The following DOK5 variants were observed in gnomAD, a reference collection of about 807,000 sequenced individuals.
DOK5 encodes downstream of tyrosine kinase 5.
DOK5 carries 27 observed loss-of-function variants against 43.3 expected under a neutral mutation model. That is an observed-to-expected ratio of 0.62 (90% CI 0.46 to 0.86). The LOEUF is 0.86. DOK5 is among the 40% of genes least tolerant of loss of function. The pLI is 0.00. For synonymous variants in DOK5, 146 were observed against 140.1 expected (o/e 1.04, Z -0.30); for missense variants, 373 against 392.9 (o/e 0.95, Z 0.43).
At chr20:54,571,713 C>G (rs1985287302) in intron 2 of DOK5, among the ~76,000 whole-genome samples, 2 of 152,128 alleles carry the variant, frequency 1.3e-5, no homozygotes, top group South Asian at 4.1e-4. Flanking sequence ...TATGACTGTT[C>G]CATTTGCCTG....
chr20:54,648,992 C>G (rs529110149), intron 7 of DOK5, among the ~76,000 whole-genome samples: 3 of 152,190 alleles, frequency 2.0e-5, no homozygotes, highest in African/African-American at 7.2e-5. Context: ...ATCACTGTTT[C>G]AAAACAAAAA....
chr20:54,645,653 A>C (rs988084699), intron 7 of DOK5, among the ~76,000 whole-genome samples: 1 of 152,070 alleles, frequency 6.6e-6, no homozygotes, highest in African/African-American at 2.4e-5. Context: ...GTGCACTCAT[A>C]AGATGCAGAT....
intron 6 of DOK5, among the ~76,000 whole-genome samples, chr20:54,620,392 C>T (rs1986941334): frequency 6.6e-6 from 1 of 152,142 alleles, no homozygotes; most frequent in Non-Finnish European, 1.5e-5. Flanking sequence ...GCACCTGCCA[C>T]CATGCCCAGC....
At chr20:54,582,052 C>T (rs1474245806) in intron 2 of DOK5, among the ~76,000 whole-genome samples, 1 of 151,686 alleles carries the variant, frequency 6.6e-6, no homozygotes, top group Non-Finnish European at 1.5e-5. Context: ...TTTTTCTACT[C>T]CCATTTTGTT....
At chr20:54,556,579 G>A (rs1186827882) in intron 2 of DOK5, among the ~76,000 whole-genome samples, 4 of 152,170 alleles carry the variant, frequency 2.6e-5, no homozygotes, top group African/African-American at 9.7e-5. Context: ...TAACAAGATG[G>A]CGAGCAATGC....
At chr20:54,572,265 A>G (rs1207760071) in intron 2 of DOK5, among the ~76,000 whole-genome samples, 2 of 150,608 alleles carry the variant, frequency 1.3e-5, no homozygotes, top group Non-Finnish European at 2.9e-5. Context: ...GGTTCATGCC[A>G]TTCTCCTGCC....
At position 54,487,723 on chromosome 20, in the gene DOK5, A is replaced by G. The variant is rs369048125; in HGVS notation, c.66+11711A>G. 1.2e-4 allele frequency among the ~76,000 whole-genome samples: 18 copies of G among 152,184 alleles called. 2 individuals are homozygous for G. The highest frequency in any genetic ancestry group is 9.6e-4 in the East Asian group (5 of 5,194). On this transcript the variant is annotated intron_variant, in intron 1 of 7. Coordinates refer to ENST00000262593, the MANE Select transcript of DOK5 (RefSeq NM_018431.5). ...AAAAAACTCCCATGTACCCAATACCATCCTCTTACAAGACTTTCCTCTGAT... is the reference window on the plus strand; with the variant it reads ...AAAAAACTCCCATGTACCCAATACCGTCCTCTTACAAGACTTTCCTCTGAT...
At chr20:54,495,183 G>A (rs1982344376) in intron 1 of DOK5, 1 of 152,168 alleles carries the variant, frequency 6.6e-6, no homozygotes, top group African/African-American at 2.4e-5. Flanking sequence ...TTTGCACTGG[G>A]TAAAGGGTTA....
intron 5 of DOK5, among the ~76,000 whole-genome samples, chr20:54,596,968 T>C (rs1454810787): frequency 2.0e-5 from 3 of 152,172 alleles, no homozygotes; most frequent in Non-Finnish European, 4.4e-5. Context: ...ATATTACTAC[T>C]CTCTGCTGTC....
chr20:54,592,463 C>T (rs1986006198), intron 5 of DOK5, among the ~76,000 whole-genome samples: 1 of 151,990 alleles, frequency 6.6e-6, no homozygotes, highest in African/African-American at 2.4e-5. Flanking sequence ...CAAAAAGATT[C>T]CTCTAGCCAT....
At chr20:54,626,221 G>T (rs977798524) in intron 6 of DOK5, among the ~76,000 whole-genome samples, 1 of 152,148 alleles carries the variant, frequency 6.6e-6, no homozygotes, top group African/African-American at 2.4e-5. Flanking sequence ...TGAATGAGCC[G>T]AAGAACACCG....
chr20:54,505,644 AAGAGAAAGAG>A (rs1292299050), intron 1 of DOK5, among the ~76,000 whole-genome samples: 2 of 151,428 alleles, frequency 1.3e-5, no homozygotes, highest in African/African-American at 4.9e-5. Flanking sequence ...GCAGGAAATA[AAGAGAAAGAG>A]AGAGAAAGAG....
At chr20:54,492,489 A>G (rs1362544596) in intron 1 of DOK5, among the ~76,000 whole-genome samples, 1 of 152,196 alleles carries the variant, frequency 6.6e-6, no homozygotes, top group Admixed American at 6.5e-5. Flanking sequence ...AGGTTTTGCT[A>G]TATAAACAAT....
intron 1 of DOK5, among the ~76,000 whole-genome samples, chr20:54,540,628 C>T (rs1568774079): frequency 6.6e-6 from 1 of 152,050 alleles, no homozygotes; most frequent in Non-Finnish European, 1.5e-5. Flanking sequence ...GATCCTTCCC[C>T]ACCTCAGCCT....
chr20:54,584,816 A>G (rs1228676585), intron 2 of DOK5, among the ~76,000 whole-genome samples: 2 of 151,438 alleles, frequency 1.3e-5, no homozygotes, highest in Non-Finnish European at 2.9e-5. Flanking sequence ...AGTAAATTAT[A>G]TATTTTCATT....
At chr20:54,602,036 A>T (rs904820743) in intron 5 of DOK5, among the ~76,000 whole-genome samples, 2 of 151,884 alleles carry the variant, frequency 1.3e-5, no homozygotes, top group Non-Finnish European at 2.9e-5. Flanking sequence ...TTGCTTCCCT[A>T]CTGCTGTTCT....
At chr20:54,497,540 G>A (rs1389134138) in intron 1 of DOK5, among the ~76,000 whole-genome samples, 1 of 152,120 alleles carries the variant, frequency 6.6e-6, no homozygotes, top group Non-Finnish European at 1.5e-5. Flanking sequence ...TGAGTTTGAG[G>A]TTTTCATGTT....
Position 54,623,497 on chromosome 20 carries a change from A to G in DOK5, c.735+12974A>G, listed in dbSNP as rs1249129454. ...CTGCCTGGTTTTGTTAGTTCACATG[A>G]GCTAGTGCATGTAAGGCAACGAGAC... On this transcript the variant is annotated intron_variant, in intron 6 of 7. Coordinates refer to ENST00000262593, the MANE Select transcript of DOK5 (RefSeq NM_018431.5). Among the ~76,000 whole-genome samples, 5 of 152,244 alleles carry G rather than the reference A, an allele frequency of 3.3e-5. 1 individual carries two copies. The highest frequency in any genetic ancestry group is 1.2e-4 in the African/African-American group (5 of 41,544).
intron 2 of DOK5, among the ~76,000 whole-genome samples, chr20:54,563,118 G>A (rs1354617318): frequency 2.6e-5 from 4 of 152,162 alleles, no homozygotes; most frequent in African/African-American, 9.7e-5. Context: ...CAGACCGTAG[G>A]ATAGATGCAT....
Sources: allele counts gnomAD v4.1 joint callset (sites outside exome capture counted in the v4.1 genomes callset), GRCh38; gene constraint gnomAD v4.1.1; transcripts MANE v1.5; gene names NCBI Gene and HGNC (gene_info 2026-07-23, HGNC 2026-07-21).